The following RAB2A variants were observed in gnomAD, a reference collection of about 807,000 sequenced individuals.
RAB2A encodes ras-related protein Rab-2A.
Under a neutral mutation model 32.5 loss-of-function variants are expected in RAB2A, and 7 were observed. That is an observed-to-expected ratio of 0.22 (90% confidence interval 0.12 to 0.40). The LOEUF is 0.40. Ranked by LOEUF, RAB2A falls within the 10% of genes least tolerant of loss-of-function variation. RAB2A has a pLI of 1.00. For missense variants in RAB2A, 108 were observed against 260.7 expected (o/e 0.41, Z 4.03); for synonymous variants, 79 against 85.2 (o/e 0.93, Z 0.40).
At chr8:60,617,328 T>C (rs895839552) in intron 6 of RAB2A, among the ~76,000 whole-genome samples, 1 of 152,218 alleles carries the variant, frequency 6.6e-6, no homozygotes. Context: ...TTTCTCTCTT[T>C]ATCGTAAGCG....
At chr8:60,573,348 T>TGTAG (rs1676626968) in intron 3 of RAB2A, among the ~76,000 whole-genome samples, 1 of 152,230 alleles carries the variant, frequency 6.6e-6, no homozygotes, top group African/African-American at 2.4e-5. Flanking sequence ...ACTTGTCATG[T>TGTAG]GTAGTAGCCA....
intron 1 of RAB2A, among the ~76,000 whole-genome samples, chr8:60,536,871 A>G (rs1248676220): frequency 1.3e-5 from 2 of 152,142 alleles, no homozygotes; most frequent in Non-Finnish European, 2.9e-5. Flanking sequence ...GAATCAAAAA[A>G]CTTGATTTTG....
At chr8:60,547,248 G>C (rs996002716) in intron 1 of RAB2A, among the ~76,000 whole-genome samples, 9 of 152,170 alleles carry the variant, frequency 5.9e-5, no homozygotes, top group African/African-American at 2.2e-4. Flanking sequence ...CAAGGCAGAA[G>C]AATTTTTCTT....
intron 6 of RAB2A, among the ~76,000 whole-genome samples, chr8:60,612,514 T>C (rs1207943950): frequency 1.3e-5 from 2 of 152,242 alleles, no homozygotes; most frequent in East Asian, 3.8e-4. Context: ...AGGAAGTATA[T>C]GCTTTTTATG....
chr8:60,561,838 C>G (rs535629206), intron 2 of RAB2A, among the ~76,000 whole-genome samples: 1 of 152,252 alleles, frequency 6.6e-6, no homozygotes, highest in Non-Finnish European at 1.5e-5. Flanking sequence ...TAGCCACTAC[C>G]AGAATTCCCT....
Position 60,558,560 on chromosome 8 carries a change from G to A in RAB2A, c.47-292G>A, listed in dbSNP as rs1272143473. 3 of 494,516 alleles carry A rather than the reference G, an allele frequency of 6.1e-6. No homozygotes were observed. The Admixed American group carries it at 8.2e-5, about 13-fold the overall frequency. 30.6% of individuals were successfully genotyped at this position (494,516 alleles called of 1,614,324 possible). ...GCACAAAAACAGTACTGTAGTAGAG[G>A]CTACCAGAAGGACCTGGTTAGTTGT... On this transcript the variant is annotated intron_variant, in intron 1 of 7. Coordinates refer to ENST00000262646, the MANE Select transcript of RAB2A (RefSeq NM_002865.3).
At chr8:60,620,149 TA>T (rs1673787307) in intron 7 of RAB2A, among the ~76,000 whole-genome samples, 1 of 152,242 alleles carries the variant, frequency 6.6e-6, no homozygotes, top group Admixed American at 6.5e-5. Flanking sequence ...GGTTAAGACA[TA>T]AGTGTGAGTT....
intron 2 of RAB2A, among the ~76,000 whole-genome samples, chr8:60,566,095 A>G (rs1378503030): frequency 1.3e-5 from 2 of 152,218 alleles, no homozygotes; most frequent in Admixed American, 1.3e-4. Context: ...ATCTGGAGAA[A>G]GTTAAATTCC....
intron 6 of RAB2A, among the ~76,000 whole-genome samples, chr8:60,596,781 C>T (rs1804036505): frequency 1.3e-5 from 2 of 152,158 alleles, no homozygotes; most frequent in East Asian, 1.9e-4. Flanking sequence ...ATTAGCCAGG[C>T]GTGGTGGCAG....
intron 3 of RAB2A, among the ~76,000 whole-genome samples, chr8:60,579,456 A>G (rs115884465): frequency 0.011 from 1,749 of 152,300 alleles, 40 homozygotes; most frequent in African/African-American, 0.039. Context: ...CACTTAGGCA[A>G]TCATTCCTGT....
intron 1 of RAB2A, among the ~76,000 whole-genome samples, chr8:60,557,723 A>G (rs1460398218): frequency 6.9e-6 from 1 of 144,032 alleles, no homozygotes. Context: ...GCACCACCAC[A>G]CCCATCTTTT....
chr8:60,549,613 G>A (rs72648594), intron 1 of RAB2A, among the ~76,000 whole-genome samples: 1 of 151,940 alleles, frequency 6.6e-6, no homozygotes, highest in Non-Finnish European at 1.5e-5. Context: ...GGAGAGAAAG[G>A]GGGAGGATGT....
At chr8:60,544,523 G>GT (rs1462867234) in intron 1 of RAB2A, among the ~76,000 whole-genome samples, 3 of 144,742 alleles carry the variant, frequency 2.1e-5, no homozygotes, top group Non-Finnish European at 3.0e-5. Flanking sequence ...TTCCTCTGAA[G>GT]TAGGAATGCT....
At chr8:60,618,307 C>T (rs544917203) in intron 6 of RAB2A, among the ~76,000 whole-genome samples, 1 of 152,306 alleles carries the variant, frequency 6.6e-6, no homozygotes, top group African/African-American at 2.4e-5. Flanking sequence ...GAGTTCCCTT[C>T]TATTTCGACT....
chr8:60,539,264 T>C (rs1380771392), intron 1 of RAB2A, among the ~76,000 whole-genome samples: 1 of 152,240 alleles, frequency 6.6e-6, no homozygotes. Flanking sequence ...AAGTGCTTAA[T>C]CAAGTATGTA....
In RAB2A at chr8:60,584,309, T is replaced by C. The variant is rs1803814270; in HGVS notation, c.269+19T>C. On this transcript the variant is annotated intron_variant, in intron 4 of 7. Coordinates refer to ENST00000262646, the MANE Select transcript of RAB2A (RefSeq NM_002865.3). ...TTACACGGTGAGAACTTGAAAACTT[T>C]GCAATTCAGTAGTTGATACAGAGAA... The C allele has an allele frequency of 1.3e-6, 2 of 1,547,838 alleles. No homozygotes were observed. Among genetic ancestry groups the C allele is most frequent in the African/African-American group, 2.7e-5 (2 of 73,390 alleles).
chr8:60,517,116 T>C lies in RAB2A; in HGVS notation c.-92T>C. The C allele has an allele frequency of 7.5e-7, 1 of 1,325,464 alleles. No individual in the cohort carries two copies. Among genetic ancestry groups the C allele is most frequent in the Non-Finnish European group, 9.9e-7 (1 of 1,007,638 alleles). The allele number at this position is 1,325,464 out of a possible 1,614,324, so 82.1% of individuals were successfully genotyped here. Reference sequence around the variant, plus strand: ...CGGCGGCGGCGGGCGGCGCCTGGCGTTTCGAGGCTGAGCGGCACCGGGGTT... The same window carrying C: ...CGGCGGCGGCGGGCGGCGCCTGGCGCTTCGAGGCTGAGCGGCACCGGGGTT... On this transcript the variant is annotated 5_prime_UTR_variant, in exon 1 of 8. Transcript: ENST00000262646.
intron 5 of RAB2A, among the ~76,000 whole-genome samples, chr8:60,591,442 T>G (rs560242479): frequency 7.2e-5 from 11 of 152,334 alleles, no homozygotes; most frequent in Admixed American, 7.2e-4. Context: ...TCCTGTAGTT[T>G]CTGAGAGTTG....
rs1000626596 is a variant in RAB2A at position 60,589,064 on chromosome 8, G to A, written c.363-2794G>A. 3.3e-4 allele frequency among the ~76,000 whole-genome samples: 50 copies of A among 152,220 alleles called. No individual in the cohort carries two copies. In the Middle Eastern group the frequency reaches 0.02, roughly 62 times the overall value. On this transcript the variant is annotated intron_variant, in intron 5 of 7. Coordinates refer to ENST00000262646, the MANE Select transcript of RAB2A (RefSeq NM_002865.3). ...ATAAAGCTATTGGAGGGAAGTTTTAGTCTTTCTATGATGGAAATAGTTATT... is the reference window on the plus strand; with the variant it reads ...ATAAAGCTATTGGAGGGAAGTTTTAATCTTTCTATGATGGAAATAGTTATT...
Sources: gnomAD v4.1 joint callset for allele counts (sites outside exome capture counted in the v4.1 genomes callset) on GRCh38, gnomAD v4.1.1 for gene constraint, MANE v1.5 for transcripts, NCBI Gene and HGNC (gene_info 2026-07-23, HGNC 2026-07-21) for gene names.